Variants in NOL4 observed in about 807,000 individuals in gnomAD.
The protein encoded by NOL4 is nucleolar protein 4.
Under a neutral mutation model 75.9 loss-of-function variants are expected in NOL4, and 17 were observed. That is an observed-to-expected ratio of 0.22 (90% CI 0.15 to 0.34). The LOEUF is 0.34. Among genes scored for constraint, NOL4 ranks in the 10% least tolerant of loss-of-function variants. The probability of loss-of-function intolerance (pLI) is 1.00; values close to 1 mark genes in which losing one functional copy is unlikely to be tolerated. For synonymous variants in NOL4, 292 were observed against 289.9 expected (o/e 1.01, Z -0.07); for missense variants, 614 against 793.5 (o/e 0.77, Z 2.72).
intron 6 of NOL4, among the ~76,000 whole-genome samples, chr18:34,012,646 T>A (rs2074441362): frequency 6.6e-6 from 1 of 151,960 alleles, no homozygotes; most frequent in South Asian, 2.1e-4. Context: ...TACGCATTCA[T>A]TTACATTTAT....
At chr18:33,918,056 G>A (rs1046473612) in intron 9 of NOL4, among the ~76,000 whole-genome samples, 6 of 152,104 alleles carry the variant, frequency 3.9e-5, no homozygotes, top group Middle Eastern at 3.2e-3. Flanking sequence ...AAAATTAAAC[G>A]TATCTTTGCT....
intron 5 of NOL4, among the ~76,000 whole-genome samples, chr18:34,090,137 G>A (rs1184419583): frequency 3.3e-5 from 5 of 152,068 alleles, no homozygotes; most frequent in Non-Finnish European, 1.5e-5. Flanking sequence ...TGTCAATATG[G>A]ATTACCTAGG....
At chr18:34,165,618 C>G (rs1480493820) in intron 1 of NOL4, among the ~76,000 whole-genome samples, 3 of 152,012 alleles carry the variant, frequency 2.0e-5, no homozygotes, top group African/African-American at 7.2e-5. Flanking sequence ...TGAAAGCTTT[C>G]ACAATGAATA....
chr18:34,165,109 G>T, intron 1 of NOL4, among the ~76,000 whole-genome samples: 2 of 128,984 alleles, frequency 1.6e-5, no homozygotes, highest in South Asian at 2.6e-4. Context: ...GGGAAGGGGG[G>T]AGGGATAGCA....
At chr18:34,120,865 A>G (rs965562658) in intron 2 of NOL4, among the ~76,000 whole-genome samples, 1 of 152,142 alleles carries the variant, frequency 6.6e-6, no homozygotes, top group Non-Finnish European at 1.5e-5. Context: ...CATCAGATGA[A>G]TTTGGTACTA....
chr18:34,002,355 C>T (rs1220461467), intron 6 of NOL4, among the ~76,000 whole-genome samples: 1 of 152,030 alleles, frequency 6.6e-6, no homozygotes, highest in African/African-American at 2.4e-5. Flanking sequence ...GTTTTGTTTC[C>T]ACCTGGGGCT....
intron 5 of NOL4, among the ~76,000 whole-genome samples, chr18:34,087,446 A>T (rs2078293536): frequency 6.6e-6 from 1 of 152,086 alleles, no homozygotes; most frequent in South Asian, 2.1e-4. Flanking sequence ...GCTATCTGAA[A>T]CAGAAATGCA....
intron 9 of NOL4, among the ~76,000 whole-genome samples, chr18:33,909,381 T>G (rs9949563): frequency 0.27 from 40,659 of 151,978 alleles, 5,688 homozygotes; most frequent in East Asian, 0.43. Context: ...AAATTGCAAT[T>G]AAAACCTTTT....
At chr18:34,191,421 A>G (rs939937442) in intron 1 of NOL4, among the ~76,000 whole-genome samples, 1 of 152,106 alleles carries the variant, frequency 6.6e-6, no homozygotes, top group Non-Finnish European at 1.5e-5. Flanking sequence ...ATTCTTACAC[A>G]TTTAATATTT....
At chr18:34,051,264 G>A (rs766382689) in intron 5 of NOL4, among the ~76,000 whole-genome samples, 2 of 151,848 alleles carry the variant, frequency 1.3e-5, no homozygotes, top group Non-Finnish European at 2.9e-5. Flanking sequence ...CTATATGACT[G>A]TAATATTTAA....
intron 9 of NOL4, among the ~76,000 whole-genome samples, chr18:33,941,878 A>C (rs2068514737): frequency 6.6e-6 from 1 of 151,958 alleles, no homozygotes; most frequent in South Asian, 2.1e-4. Flanking sequence ...TAGATATAAC[A>C]ATGATAAAAC....
intron 6 of NOL4, among the ~76,000 whole-genome samples, chr18:33,981,283 A>G (rs1005251181): frequency 7.3e-6 from 1 of 137,064 alleles, no homozygotes; most frequent in African/African-American, 2.7e-5. Flanking sequence ...CTTTGAAGCA[A>G]TGACTGAAAT....
chr18:34,055,621 G>C (rs762097471), intron 5 of NOL4, among the ~76,000 whole-genome samples: 6 of 151,998 alleles, frequency 3.9e-5, no homozygotes, highest in Non-Finnish European at 7.4e-5. Flanking sequence ...TGAGTTTCTT[G>C]AACATGTATA....
At chr18:34,189,288 T>G (rs1419810463) in intron 1 of NOL4, among the ~76,000 whole-genome samples, 2 of 152,024 alleles carry the variant, frequency 1.3e-5, no homozygotes, top group Non-Finnish European at 2.9e-5. Context: ...ACTCTTCCAG[T>G]CCAGCAAGAG....
intron 9 of NOL4, among the ~76,000 whole-genome samples, chr18:33,931,104 A>T (rs2067661731): frequency 6.6e-6 from 1 of 152,222 alleles, no homozygotes; most frequent in African/African-American, 2.4e-5. Context: ...TTTATTTGAC[A>T]TAACAAATGC....
chr18:34,017,033 A>G (rs1366305847), intron 6 of NOL4, among the ~76,000 whole-genome samples: 3 of 152,080 alleles, frequency 2.0e-5, no homozygotes, highest in Non-Finnish European at 2.9e-5. Flanking sequence ...CATCTTCCCT[A>G]TCTGCATTCC....
At chr18:34,074,212 CAT>C (rs146628012) in intron 5 of NOL4, among the ~76,000 whole-genome samples, 2,633 of 151,348 alleles carry the variant, frequency 0.017, 73 homozygotes, top group African/African-American at 0.061. Flanking sequence ...TTTCAATATT[CAT>C]ATTTTTTAAT....
chr18:33,893,979 C>T (rs1168111848), intron 9 of NOL4, among the ~76,000 whole-genome samples: 3 of 152,092 alleles, frequency 2.0e-5, no homozygotes, highest in Non-Finnish European at 4.4e-5. Flanking sequence ...TTCTCCTGCC[C>T]TTACATGCTC....
At chr18:34,018,090 T>C (rs1299448173) in intron 6 of NOL4, among the ~76,000 whole-genome samples, 1 of 152,142 alleles carries the variant, frequency 6.6e-6, no homozygotes, top group South Asian at 2.1e-4. Flanking sequence ...AAAAATTTAA[T>C]AGACACATAG....
Sources: allele counts gnomAD v4.1 joint callset (sites outside exome capture counted in the v4.1 genomes callset), GRCh38; gene constraint gnomAD v4.1.1; transcripts MANE v1.5; gene names NCBI Gene and HGNC (gene_info 2026-07-23, HGNC 2026-07-21).